Variants in FGF12 observed in about 807,000 individuals in gnomAD.
The protein encoded by FGF12 is fibroblast growth factor 12B.
FGF12 carries 14 observed loss-of-function variants against 23.6 expected under a neutral mutation model. The observed-to-expected ratio is 0.59, with a 90% CI of 0.39 to 0.93. The LOEUF is 0.93. FGF12 is among the 40% of genes least tolerant of loss of function. The pLI is 0.00. For missense variants in FGF12, 175 were observed against 217.8 expected (o/e 0.80, Z 1.24); for synonymous variants, 62 against 77.3 (o/e 0.80, Z 1.04).
At chr3:192,469,884 T>C (rs1311929658) in intron 2 of FGF12, among the ~76,000 whole-genome samples, 1 of 152,200 alleles carries the variant, frequency 6.6e-6, no homozygotes. Context: ...TTATGTAAAT[T>C]TAAAACACAC....
chr3:192,167,779 T>A lies in FGF12; in HGVS notation c.427+2679A>T, dbSNP rs1314573554. The stretch of plus-strand genomic sequence containing the variant: ...TATATATATATATATAAAATTTTTT[T>A]TTTTTTTTTTTTTTGAGAAAGAATC... On this transcript the variant is annotated intron_variant, in intron 5 of 5. Transcript: ENST00000445105. 2.1e-3 allele frequency among the ~76,000 whole-genome samples: 143 copies of A among 66,860 alleles called. 13 individuals carry two copies. Among genetic ancestry groups the A allele is most frequent in the Non-Finnish European group, 3.9e-3 (121 of 30,770 alleles). 43.9% of individuals were successfully genotyped at this position (66,860 alleles called of 152,430 possible). A position where few individuals can be genotyped will look rare whatever the true frequency, so the allele number is the denominator to read the frequency against.
At chr3:192,531,334 G>C (rs1183065182) in intron 2 of FGF12, among the ~76,000 whole-genome samples, 2 of 152,270 alleles carry the variant, frequency 1.3e-5, no homozygotes, top group East Asian at 3.9e-4. Context: ...CCAGCTGTGT[G>C]TTAATGGACA....
chr3:192,293,104 A>G (rs576162948), intron 4 of FGF12, among the ~76,000 whole-genome samples: 81 of 152,236 alleles, frequency 5.3e-4, no homozygotes, highest in African/African-American at 1.9e-3. Context: ...TGATCATATG[A>G]TCTCTCAGAA....
intron 2 of FGF12, among the ~76,000 whole-genome samples, chr3:192,723,255 A>G (rs1311843509): frequency 6.6e-6 from 1 of 152,232 alleles, no homozygotes; most frequent in Non-Finnish European, 1.5e-5. Flanking sequence ...TGATCTAACT[A>G]TGAGTTAGAT....
chr3:192,671,425 G>T (rs1022247892), intron 2 of FGF12, among the ~76,000 whole-genome samples: 1 of 152,064 alleles, frequency 6.6e-6, no homozygotes, highest in African/African-American at 2.4e-5. Flanking sequence ...AAATATTTGT[G>T]GGGCTTTCAG....
At chr3:192,470,093 T>C (rs1303762564) in intron 2 of FGF12, among the ~76,000 whole-genome samples, 1 of 152,174 alleles carries the variant, frequency 6.6e-6, no homozygotes, top group African/African-American at 2.4e-5. Flanking sequence ...CAATGTCCTC[T>C]CTGGAGGTAA....
At chr3:192,192,146 A>T (rs1483018696) in intron 4 of FGF12, among the ~76,000 whole-genome samples, 1 of 152,106 alleles carries the variant, frequency 6.6e-6, no homozygotes, top group African/African-American at 2.4e-5. Flanking sequence ...GATCTGTCAT[A>T]ATTAGAGCTG....
intron 2 of FGF12, among the ~76,000 whole-genome samples, chr3:192,596,167 CAT>C (rs1713844831): frequency 9.8e-6 from 1 of 102,086 alleles, no homozygotes; most frequent in Non-Finnish European, 2.1e-5. Context: ...TGAATTACAA[CAT>C]ATTAGATAAT....
intron 4 of FGF12, among the ~76,000 whole-genome samples, chr3:192,274,198 T>A (rs1213675151): frequency 6.6e-6 from 1 of 152,170 alleles, no homozygotes; most frequent in Non-Finnish European, 1.5e-5. Context: ...AGAATAAATC[T>A]TCCTATTACA....
chr3:192,553,176 G>C (rs1285895823), intron 2 of FGF12, among the ~76,000 whole-genome samples: 1 of 151,374 alleles, frequency 6.6e-6, no homozygotes, highest in Admixed American at 6.6e-5. Flanking sequence ...AAGGAAAGAA[G>C]AAAATTAGAA....
chr3:192,723,774 T>C (rs1013950490), intron 2 of FGF12, among the ~76,000 whole-genome samples: 4 of 151,576 alleles, frequency 2.6e-5, no homozygotes, highest in Non-Finnish European at 2.9e-5. Context: ...ATAGGTAGTA[T>C]GCCAGCTTGA....
At chr3:192,561,705 T>C (rs937996375) in intron 2 of FGF12, among the ~76,000 whole-genome samples, 2 of 152,180 alleles carry the variant, frequency 1.3e-5, no homozygotes, top group African/African-American at 4.8e-5. Flanking sequence ...GCAACTCTCA[T>C]ACATTGGGAG....
chr3:192,547,318 T>C (rs1357537340), intron 2 of FGF12, among the ~76,000 whole-genome samples: 1 of 152,182 alleles, frequency 6.6e-6, no homozygotes, highest in Non-Finnish European at 1.5e-5. Context: ...TTATAAGTAG[T>C]CTCTATGAAT....
intron 2 of FGF12, chr3:192,726,961 C>G: frequency 3.3e-6 from 2 of 606,136 alleles, no homozygotes; most frequent in Non-Finnish European, 5.8e-6. Context: ...CAGTTCACTA[C>G]GCAACTGATG....
At chr3:192,404,600 C>T (rs1194927917) in intron 2 of FGF12, among the ~76,000 whole-genome samples, 3 of 152,214 alleles carry the variant, frequency 2.0e-5, no homozygotes, top group East Asian at 3.8e-4. Context: ...ACAGCCTTTT[C>T]ACACATAAAT....
At chr3:192,658,425 C>A (rs74491194) in intron 2 of FGF12, among the ~76,000 whole-genome samples, 2 of 152,094 alleles carry the variant, frequency 1.3e-5, no homozygotes, top group African/African-American at 4.8e-5. Flanking sequence ...CTGCTACCAG[C>A]AGTTTTATTA....
At chr3:192,197,894 T>C (rs1313551498) in intron 4 of FGF12, among the ~76,000 whole-genome samples, 1 of 134,222 alleles carries the variant, frequency 7.5e-6, no homozygotes, top group African/African-American at 2.9e-5. Context: ...TGCAGTGAGC[T>C]GAGATCATGC....
At chr3:192,542,426 G>A (rs779848160) in intron 2 of FGF12, among the ~76,000 whole-genome samples, 5 of 151,982 alleles carry the variant, frequency 3.3e-5, no homozygotes, top group East Asian at 1.9e-4. Context: ...ATTTCATTGC[G>A]AGTCCTCAAA....
chr3:192,577,221 A>C lies in FGF12; in HGVS notation c.13+149960T>G, dbSNP rs541665283. On this transcript the variant is annotated intron_variant, in intron 2 of 5. Coordinates refer to ENST00000445105, the MANE Select transcript of FGF12 (RefSeq NM_004113.6). ...AAGTGTAATAAAAAATAAATAAATA[A>C]ATAATACTAATGGTAGCCATGCTCT... 9.2e-5 allele frequency among the ~76,000 whole-genome samples: 14 copies of C among 152,280 alleles called. No individual in the cohort carries two copies. The South Asian group carries it at 2.9e-3, about 32-fold the overall frequency.
Sources: allele counts gnomAD v4.1 joint callset (sites outside exome capture counted in the v4.1 genomes callset), GRCh38; gene constraint gnomAD v4.1.1; transcripts MANE v1.5; gene names NCBI Gene and HGNC (gene_info 2026-07-23, HGNC 2026-07-21).